CNBD1: variants seen among roughly 807,000 people sequenced by gnomAD.
CNBD1 encodes the protein cyclic nucleotide binding domain containing 1.
In CNBD1, 71 loss-of-function variants were observed where a neutral mutation model predicts 54.4. That is an observed-to-expected ratio of 1.30 (90% CI 1.08 to 1.59). CNBD1 has a LOEUF of 1.59. Among genes scored for constraint, CNBD1 ranks in the 40% most tolerant of loss-of-function variants. The probability of loss-of-function intolerance (pLI) is 0.00; values close to 1 mark genes in which losing one functional copy is unlikely to be tolerated. For missense variants in CNBD1, 659 were observed against 518.0 expected, an observed-to-expected ratio of 1.27 and a Z score of -2.64; for synonymous variants, 182 against 170.7, an observed-to-expected ratio of 1.07 and a Z score of -0.51.
rs143886035 is a variant in CNBD1 at position 87,362,960 on chromosome 8, C to G, written c.1303+9174C>G. Reference sequence around the variant, plus strand: ...GTGGTGGTTTGCTGTACCCATCAACCCGTCATCTATATTAGGTATTTCTCC... The same window carrying G: ...GTGGTGGTTTGCTGTACCCATCAACGCGTCATCTATATTAGGTATTTCTCC... On this transcript the variant is annotated intron_variant, in intron 10 of 10. Coordinates refer to ENST00000518476, the MANE Select transcript of CNBD1 (RefSeq NM_173538.3). 9.7e-3 allele frequency among the ~76,000 whole-genome samples: 1,473 copies of G among 151,918 alleles called. 20 individuals carry two copies. Among genetic ancestry groups the G allele is most frequent in the African/African-American group, 0.033 (1,353 of 41,456 alleles).
chr8:87,357,295 G>T (rs967139981), intron 10 of CNBD1, among the ~76,000 whole-genome samples: 1 of 151,058 alleles, frequency 6.6e-6, no homozygotes, highest in African/African-American at 2.5e-5. Flanking sequence ...CCTGAGAATG[G>T]TAGAGCCATG....
At chr8:87,046,150 A>G (rs1235218620) in intron 4 of CNBD1, among the ~76,000 whole-genome samples, 1 of 150,958 alleles carries the variant, frequency 6.6e-6, no homozygotes, top group Admixed American at 6.6e-5. Context: ...TAGAGAGTTT[A>G]TGGATTGTTG....
chr8:87,370,707 G>A (rs532819531), intron 10 of CNBD1, among the ~76,000 whole-genome samples: 2,352 of 149,384 alleles, frequency 0.016, 65 homozygotes, highest in African/African-American at 0.053. Flanking sequence ...AGTTTCTTTT[G>A]CTGTGCAGAA....
chr8:87,002,814 C>T (rs1809020610), intron 4 of CNBD1, among the ~76,000 whole-genome samples: 1 of 151,978 alleles, frequency 6.6e-6, no homozygotes. Context: ...TATCTGTCTC[C>T]TCTTTCTAAA....
intron 4 of CNBD1, among the ~76,000 whole-genome samples, chr8:87,007,316 G>A (rs1809123864): frequency 6.6e-6 from 1 of 151,570 alleles, no homozygotes; most frequent in Non-Finnish European, 1.5e-5. Context: ...TTGGAGATTT[G>A]ATCCTCAACA....
At chr8:87,085,693 T>C (rs1318795084) in intron 4 of CNBD1, among the ~76,000 whole-genome samples, 1 of 151,926 alleles carries the variant, frequency 6.6e-6, no homozygotes, top group African/African-American at 2.4e-5. Flanking sequence ...CTGTGAGAGG[T>C]TCTTTTCTTT....
intron 2 of CNBD1, among the ~76,000 whole-genome samples, chr8:87,418,555 T>C (rs917548734): frequency 1.3e-5 from 2 of 151,742 alleles, no homozygotes; most frequent in Non-Finnish European, 2.9e-5. Context: ...AAGGACACTA[T>C]CAAGAAAGTG....
chr8:87,403,959 G>A (rs1807610411), intron 2 of CNBD1, among the ~76,000 whole-genome samples: 1 of 152,048 alleles, frequency 6.6e-6, no homozygotes, highest in Non-Finnish European at 1.5e-5. Flanking sequence ...AAATAACCAT[G>A]ATTTATTGGT....
At chr8:87,191,391 A>C (rs1010256331) in intron 4 of CNBD1, among the ~76,000 whole-genome samples, 1 of 151,982 alleles carries the variant, frequency 6.6e-6, no homozygotes, top group African/African-American at 2.4e-5. Context: ...TGCCCACCCA[A>C]ATTGAGGGTG....
chr8:87,002,601 T>TC (rs1283679458), intron 4 of CNBD1, among the ~76,000 whole-genome samples: 3 of 152,138 alleles, frequency 2.0e-5, no homozygotes, highest in South Asian at 4.1e-4. Context: ...TTTTTTTTTT[T>TC]CAAATATCCC....
chr8:86,872,341 C>T (rs1002178371), intron 1 of CNBD1, among the ~76,000 whole-genome samples: 2 of 152,054 alleles, frequency 1.3e-5, no homozygotes, highest in Admixed American at 1.3e-4. Flanking sequence ...CTGGCTTTTC[C>T]AGTATGAAGA....
At chr8:87,030,425 T>G (rs1809755327) in intron 4 of CNBD1, among the ~76,000 whole-genome samples, 1 of 152,186 alleles carries the variant, frequency 6.6e-6, no homozygotes, top group Non-Finnish European at 1.5e-5. Flanking sequence ...TTTCCTACTT[T>G]TTGAAAGATA....
At chr8:87,391,356 C>A (rs1460221813) in intron 2 of CNBD1, among the ~76,000 whole-genome samples, 1 of 152,086 alleles carries the variant, frequency 6.6e-6, no homozygotes, top group African/African-American at 2.4e-5. Flanking sequence ...CAGAAAGCCA[C>A]AAGCTAATCC....
chr8:87,056,564 T>C (rs1810420689), intron 4 of CNBD1, among the ~76,000 whole-genome samples: 1 of 152,112 alleles, frequency 6.6e-6, no homozygotes, highest in South Asian at 2.1e-4. Flanking sequence ...GAGCAATAAA[T>C]AATCACAAGA....
chr8:87,232,282 C>G (rs1391802537), intron 5 of CNBD1, among the ~76,000 whole-genome samples: 1 of 152,060 alleles, frequency 6.6e-6, no homozygotes. Context: ...TCCTCCTGAG[C>G]AAATACCTAA....
rs1375999124 is a variant in CNBD1, at chr8:87,142,108, AT to A, written c.432-63882del. 1.1e-4 allele frequency among the ~76,000 whole-genome samples: 16 copies of A among 152,252 alleles called. No homozygotes were observed. In the East Asian group the frequency reaches 3.1e-3, roughly 29 times the overall value. The stretch of plus-strand genomic sequence containing the variant: ...ATTTGTCAAGAAATTTTTGAAATCT[AT>A]TTGGTGAAAGTAGAGAAGAGAGAAA... On this transcript the variant is annotated intron_variant, in intron 4 of 10. Transcript: ENST00000518476.
intron 4 of CNBD1, among the ~76,000 whole-genome samples, chr8:87,196,474 A>G (rs997765293): frequency 1.1e-4 from 17 of 152,196 alleles, no homozygotes; most frequent in African/African-American, 4.1e-4. Context: ...GCAATTTTTC[A>G]TGGCCTCACA....
At chr8:87,207,610 T>G (rs1363174761) in intron 5 of CNBD1, among the ~76,000 whole-genome samples, 2 of 152,132 alleles carry the variant, frequency 1.3e-5, no homozygotes, top group Non-Finnish European at 2.9e-5. Flanking sequence ...AACTCTTTCT[T>G]CTACATATAT....
intron 4 of CNBD1, among the ~76,000 whole-genome samples, chr8:87,066,862 T>A (rs1810665768): frequency 6.6e-6 from 1 of 151,978 alleles, no homozygotes; most frequent in South Asian, 2.1e-4. Flanking sequence ...TAATTTTACT[T>A]CCTATAATTA....
Sources: allele counts gnomAD v4.1 joint callset (sites outside exome capture counted in the v4.1 genomes callset), GRCh38; gene constraint gnomAD v4.1.1; transcripts MANE v1.5; gene names NCBI Gene and HGNC (gene_info 2026-07-23, HGNC 2026-07-21).